Variants in WDR47 observed in about 807,000 individuals in gnomAD.
WDR47 encodes WD repeat-containing protein 47.
A neutral mutation model predicts 97.2 loss-of-function variants in WDR47; 32 were observed. That is an observed-to-expected ratio of 0.33 (90% confidence interval 0.25 to 0.44). The LOEUF (loss-of-function observed/expected upper bound fraction) is 0.44. Among genes scored for constraint, WDR47 ranks in the 20% least tolerant of loss-of-function variants. The probability of loss-of-function intolerance (pLI) is 1.00; values close to 1 mark genes in which losing one functional copy is unlikely to be tolerated. For missense variants in WDR47, 782 were observed against 1,102.3 expected (o/e 0.71, Z 4.11); for synonymous variants, 375 against 373.5 (o/e 1.00, Z -0.05).
chr1:109,029,713 A>AT (rs1307697067), intron 1 of WDR47, among the ~76,000 whole-genome samples: 1 of 142,526 alleles, frequency 7.0e-6, no homozygotes, highest in Non-Finnish European at 1.5e-5. Flanking sequence ...ATAAATAAAT[A>AT]TTTTTTTAAA....
chr1:109,018,363 G>A (rs960587538), intron 2 of WDR47, among the ~76,000 whole-genome samples: 5 of 151,520 alleles, frequency 3.3e-5, no homozygotes, highest in African/African-American at 4.8e-5. Flanking sequence ...TTGAACCTGG[G>A]CGGCAGAGGT....
chr1:108,999,311 A>G (rs1434434463), intron 7 of WDR47, among the ~76,000 whole-genome samples: 2 of 152,018 alleles, frequency 1.3e-5, no homozygotes, highest in Non-Finnish European at 2.9e-5. Flanking sequence ...GGAAACTAAT[A>G]TATAAAAATT....
intron 1 of WDR47, among the ~76,000 whole-genome samples, chr1:109,029,690 A>C (rs1662477363): frequency 6.8e-6 from 1 of 147,200 alleles, no homozygotes; most frequent in African/African-American, 2.6e-5. Context: ...TAAATAAATA[A>C]ATAAATAAAT....
chr1:109,013,061 C>A (rs1171969142), intron 4 of WDR47, among the ~76,000 whole-genome samples: 1 of 152,038 alleles, frequency 6.6e-6, no homozygotes, highest in South Asian at 2.1e-4. Context: ...ATGCTCAGCC[C>A]TCGTGAATTA....
At chr1:109,025,075 G>A (rs1464906213) in intron 1 of WDR47, 1 of 152,016 alleles carries the variant, frequency 6.6e-6, no homozygotes, top group African/African-American at 2.4e-5. Context: ...TGATTTTTTT[G>A]TTTATAACAA....
At chr1:108,989,896 A>G (rs192394848) in intron 9 of WDR47, among the ~76,000 whole-genome samples, 91 of 152,214 alleles carry the variant, frequency 6.0e-4, no homozygotes, top group African/African-American at 2.1e-3. Context: ...GGGTTTCGCC[A>G]TGTTGGCCAG....
rs527295661 is a variant in WDR47 at position 109,011,150 on chromosome 1, A to C, written c.896T>G (p.Met299Arg). ...GGCATCAGCTGATTGAGGTCTTCTC[A>C]TTGGGGATGATGGATAGGGAGAGAG... Reference protein sequence around the residue: ...SKLSPYPSSPMRRPQSADAYM... With the variant: ...SKLSPYPSSPRRRPQSADAYM... The change falls in exon 5 of 15, where the codon ATG (methionine) becomes AGG (arginine). Residue 299 changes from methionine to arginine, a missense_variant. Coordinates refer to ENST00000369962, the MANE Select transcript of WDR47 (RefSeq NM_001142551.2). 6.2e-6 allele frequency: 10 copies of C among 1,614,062 alleles called. No individual in the cohort carries two copies. The highest frequency in any genetic ancestry group is 5.0e-5 in the Admixed American group (3 of 59,988).
chr1:109,026,566 C>CA (rs916456676), intron 1 of WDR47, among the ~76,000 whole-genome samples: 10 of 151,948 alleles, frequency 6.6e-5, no homozygotes, highest in Non-Finnish European at 8.8e-5. Context: ...TTCTTACTAG[C>CA]AAAAAAATGG....
chr1:109,008,311 C>A (rs1660780938), intron 5 of WDR47, among the ~76,000 whole-genome samples: 1 of 151,916 alleles, frequency 6.6e-6, no homozygotes, highest in Non-Finnish European at 1.5e-5. Flanking sequence ...TACTCTGTCG[C>A]CTAGGCTGGA....
chr1:108,993,377 A>G lies in WDR47; in HGVS notation c.1692-2048T>C, dbSNP rs188730567. The stretch of plus-strand genomic sequence containing the variant: ...CAAGATGGCATCAGACTTTTTAATC[A>G]GAACACTAAAACTGGAAGATCATGT... On this transcript the variant is annotated intron_variant, in intron 8 of 14. Coordinates refer to ENST00000369962, the MANE Select transcript of WDR47 (RefSeq NM_001142551.2). 4.2e-4 allele frequency among the ~76,000 whole-genome samples: 64 copies of G among 152,282 alleles called. 1 individual carries two copies. Among genetic ancestry groups the G allele is most frequent in the Admixed American group, 2.0e-3 (30 of 15,272 alleles).
intron 13 of WDR47, among the ~76,000 whole-genome samples, chr1:108,980,643 C>T (rs1001823503): frequency 6.6e-6 from 1 of 151,850 alleles, no homozygotes; most frequent in Non-Finnish European, 1.5e-5. Context: ...ACAGGACAAT[C>T]ACCTGAACCT....
At chr1:109,030,091 A>T (rs1052861559) in intron 1 of WDR47, 44 of 880,258 alleles carry the variant, frequency 5.0e-5, no homozygotes, top group Non-Finnish European at 6.6e-5. Context: ...GATCTCCTTC[A>T]TCCCTCCCCA....
Position 108,984,646 on chromosome 1 carries a change from G to C in WDR47, c.1926-1195C>G, listed in dbSNP as rs184505612. ...TGTAATCCCAGCACTTTGGGAGGCC[G>C]AGGAGGGCGGATCAAGAGGTCAGGA... On this transcript the variant is annotated intron_variant, in intron 10 of 14. Transcript: ENST00000369962. 3.9e-5 allele frequency among the ~76,000 whole-genome samples: 6 copies of C among 152,260 alleles called. No homozygotes were observed. The East Asian group carries it at 1.2e-3, about 29-fold the overall frequency.
At chr1:108,989,398 A>G (rs1659136980) in intron 9 of WDR47, among the ~76,000 whole-genome samples, 1 of 152,228 alleles carries the variant, frequency 6.6e-6, no homozygotes. Context: ...CATGCAATAC[A>G]TCCTCCTTGC....
rs111299285 is a variant in WDR47 at position 109,035,361 on chromosome 1, C to T, written c.-10+6501G>A. On this transcript the variant is annotated intron_variant, in intron 1 of 14. Coordinates refer to ENST00000369962, the MANE Select transcript of WDR47 (RefSeq NM_001142551.2). The stretch of plus-strand genomic sequence containing the variant: ...TGGGATTGGGATGGAGGGCAGGGAT[C>T]TAGGAGAAGAAAAGGGTTGAAGGAG... Among the ~76,000 whole-genome samples, 455 of 151,528 alleles carry T rather than the reference C, an allele frequency of 3.0e-3. 4 individuals carry two copies. The highest frequency in any genetic ancestry group is 0.011 in the African/African-American group (438 of 41,322).
At chr1:109,039,947 A>AATCGCTTG (rs1418817406) in intron 1 of WDR47, among the ~76,000 whole-genome samples, 4 of 151,526 alleles carry the variant, frequency 2.6e-5, no homozygotes, top group Non-Finnish European at 5.9e-5. Flanking sequence ...GAGGCAGGAG[A>AATCGCTTG]ATCGCTTGAA....
chr1:108,995,479 G>C, intron 8 of WDR47, 101 bp downstream of exon 8: 1 of 1,406,780 alleles, frequency 7.1e-7, no homozygotes, highest in Non-Finnish European at 9.6e-7. Context: ...TAGGCAGTAA[G>C]CTCTAAAAAC....
intron 1 of WDR47, among the ~76,000 whole-genome samples, chr1:109,039,900 G>C (rs1663226693): frequency 6.6e-6 from 1 of 151,948 alleles, no homozygotes; most frequent in Non-Finnish European, 1.5e-5. Context: ...GCCGGGCGTG[G>C]TGGCAGGCAC....
intron 10 of WDR47, among the ~76,000 whole-genome samples, chr1:108,985,976 C>CAAAA (rs35165386): frequency 0.01 from 988 of 96,096 alleles, 14 homozygotes; most frequent in African/African-American, 0.035. Context: ...ATAGAGATAG[C>CAAAA]AAAAAAAAAA....
Sources: gnomAD v4.1 joint callset for allele counts (sites outside exome capture counted in the v4.1 genomes callset) on GRCh38, gnomAD v4.1.1 for gene constraint, MANE v1.5 for transcripts, NCBI Gene and HGNC (gene_info 2026-07-23, HGNC 2026-07-21) for gene names.